Variants in MIR2052HG observed in about 807,000 individuals in gnomAD.
MIR2052HG encodes MIR2052 host gene.
intron 3 of MIR2052HG, chr8:74,703,460 A>G (rs1016633660): frequency 1.1e-5 from 3 of 265,982 alleles, no homozygotes; most frequent in African/African-American, 6.9e-5. Flanking sequence ...CCAAGCTAAC[A>G]ATAATTCCTA....
At chr8:74,693,434 G>A (rs1434736892) in intron 2 of MIR2052HG, among the ~76,000 whole-genome samples, 1 of 152,106 alleles carries the variant, frequency 6.6e-6, no homozygotes, top group East Asian at 1.9e-4. Context: ...GAATCTAGGG[G>A]AGGGGGTGAA....
chr8:74,719,588 T>G lies in MIR2052HG; in HGVS notation n.371+15906T>G, dbSNP rs112238079. 9.7e-3 allele frequency among the ~76,000 whole-genome samples: 1,478 copies of G among 152,338 alleles called. 22 individuals carry two copies. The highest frequency in any genetic ancestry group is 0.032 in the African/African-American group (1,348 of 41,578). ...AATTATGGCTTCTAGATATCAGTTT[T>G]AAGTCTGAAATCACTGATCTTTTAT... On this transcript the variant is annotated intron_variant and non_coding_transcript_variant, in intron 4 of 6. Coordinates refer to ENST00000523442, the Ensembl canonical transcript of MIR2052HG.
At chr8:74,635,391 A>G (rs959949841) in intron 2 of MIR2052HG, among the ~76,000 whole-genome samples, 5 of 152,116 alleles carry the variant, frequency 3.3e-5, no homozygotes, top group Admixed American at 6.6e-5. Context: ...TGGAGGCCCA[A>G]TGGAGATGTC....
intron 4 of MIR2052HG, among the ~76,000 whole-genome samples, chr8:74,740,923 T>G (rs1291688014): frequency 6.6e-6 from 1 of 152,230 alleles, no homozygotes; most frequent in African/African-American, 2.4e-5. Flanking sequence ...AATATCTGCA[T>G]TACAGAACGT....
chr8:74,611,933 A>G (rs1005585946), intron 1 of MIR2052HG, among the ~76,000 whole-genome samples: 3 of 152,180 alleles, frequency 2.0e-5, no homozygotes, highest in Non-Finnish European at 4.4e-5. Context: ...ACATGAACCA[A>G]ATTTGTTACT....
intron 4 of MIR2052HG, among the ~76,000 whole-genome samples, chr8:74,709,984 T>C (rs1270423821): frequency 6.6e-6 from 1 of 152,202 alleles, no homozygotes; most frequent in Non-Finnish European, 1.5e-5. Flanking sequence ...TTAACAGTTA[T>C]CAGAAATTCT....
At chr8:74,715,782 AATCTTTATACTTG>A (rs1809514500) in intron 4 of MIR2052HG, among the ~76,000 whole-genome samples, 1 of 152,182 alleles carries the variant, frequency 6.6e-6, no homozygotes, top group African/African-American at 2.4e-5. Flanking sequence ...CCAGGGAGGC[AATCTTTATACTTG>A]CCAAGAAAAT....
chr8:74,626,331 C>T (rs1299330846), intron 2 of MIR2052HG, among the ~76,000 whole-genome samples: 2 of 152,152 alleles, frequency 1.3e-5, no homozygotes, highest in African/African-American at 2.4e-5. Context: ...CCTGGCTTGG[C>T]CACTAAGGGC....
intron 4 of MIR2052HG, among the ~76,000 whole-genome samples, chr8:74,726,942 C>T (rs117616844): frequency 0.013 from 2,028 of 152,260 alleles, 22 homozygotes; most frequent in Middle Eastern, 0.027. Context: ...CTGGCTTTCC[C>T]TTTGTTATCT....
chr8:74,754,605 C>T lies in MIR2052HG; in HGVS notation n.464+2072C>T, dbSNP rs148264391. ...AATGAATTGTGGTTGAAGAGATCTA[C>T]GGCTGTGAAGCTCTTGCTTTAGAGT... On this transcript the variant is annotated intron_variant and non_coding_transcript_variant, in intron 5 of 6. Coordinates refer to ENST00000523442, the Ensembl canonical transcript of MIR2052HG. Among the ~76,000 whole-genome samples the T allele has an allele frequency of 5.4e-3, 823 of 152,306 alleles. 3 individuals are homozygous for T. The highest frequency in any genetic ancestry group is 8.4e-3 in the Admixed American group (129 of 15,298).
intron 2 of MIR2052HG, among the ~76,000 whole-genome samples, chr8:74,673,502 A>G (rs772612382): frequency 2.6e-5 from 4 of 151,976 alleles, no homozygotes; most frequent in Non-Finnish European, 4.4e-5. Flanking sequence ...GGTCATTTCC[A>G]CAACATCTTA....
chr8:74,679,732 G>T (rs1015615956), intron 2 of MIR2052HG, among the ~76,000 whole-genome samples: 5 of 151,672 alleles, frequency 3.3e-5, no homozygotes, highest in Admixed American at 6.6e-5. Flanking sequence ...AGTAGAGATG[G>T]GGTTTCACCA....
At chr8:74,715,581 T>A (rs1286267815) in intron 4 of MIR2052HG, among the ~76,000 whole-genome samples, 1 of 152,178 alleles carries the variant, frequency 6.6e-6, no homozygotes, top group Non-Finnish European at 1.5e-5. Flanking sequence ...TCTTGGTCAT[T>A]GGGTTTCTCT....
chr8:74,602,817 G>GTTTCTTTCCTTCTTTCTTTCTTTC (rs1808023371), intron 1 of MIR2052HG, among the ~76,000 whole-genome samples: 4 of 73,850 alleles, frequency 5.4e-5, no homozygotes, highest in African/African-American at 2.5e-4. Context: ...GCCCGGCCGT[G>GTTTCTTTCCTTCTTTCTTTCTTTC]TTTCTTTCTT....
chr8:74,672,902 T>C (rs945755999), intron 2 of MIR2052HG, among the ~76,000 whole-genome samples: 1 of 152,086 alleles, frequency 6.6e-6, no homozygotes, highest in African/African-American at 2.4e-5. Flanking sequence ...AAATTGAATA[T>C]TTCAGATTGC....
chr8:74,697,230 A>C (rs1368086527), intron 2 of MIR2052HG, among the ~76,000 whole-genome samples: 1 of 152,180 alleles, frequency 6.6e-6, no homozygotes, highest in Middle Eastern at 3.2e-3. Context: ...CAAAAATCAC[A>C]TGAACATCTT....
intron 2 of MIR2052HG, among the ~76,000 whole-genome samples, chr8:74,680,024 G>A (rs1302571907): frequency 6.6e-6 from 1 of 152,132 alleles, no homozygotes; most frequent in East Asian, 1.9e-4. Context: ...ATTATTCACG[G>A]ATCATATTAT....
chr8:74,724,393 C>G (rs908147375), intron 4 of MIR2052HG, among the ~76,000 whole-genome samples: 1 of 152,140 alleles, frequency 6.6e-6, no homozygotes, highest in East Asian at 1.9e-4. Flanking sequence ...GTGCCTCCTG[C>G]TATGGTATTT....
At chr8:74,744,335 A>T (rs150873597) in intron 4 of MIR2052HG, among the ~76,000 whole-genome samples, 1 of 149,854 alleles carries the variant, frequency 6.7e-6, no homozygotes, top group Non-Finnish European at 1.5e-5. Flanking sequence ...TTATTTATTT[A>T]TTATTATACT....
Sources: allele counts gnomAD v4.1 joint callset (sites outside exome capture counted in the v4.1 genomes callset), GRCh38; gene constraint gnomAD v4.1.1; transcripts MANE v1.5; gene names NCBI Gene and HGNC (gene_info 2026-07-23, HGNC 2026-07-21).